CNTLN: variants seen among roughly 807,000 people sequenced by gnomAD.
The protein encoded by CNTLN is centlein, centrosomal protein.
Under a neutral mutation model 180.0 loss-of-function variants are expected in CNTLN, and 212 were observed. The observed-to-expected ratio is 1.18, with a 90% CI of 1.05 to 1.32. CNTLN has a LOEUF of 1.32. Ranked by LOEUF, CNTLN falls within the 40% of genes most tolerant of loss-of-function variation. The pLI is 0.00. For synonymous variants in CNTLN, 722 were observed against 563.1 expected (o/e 1.28, Z -3.99); for missense variants, 2,095 against 1,610.9 (o/e 1.30, Z -5.14).
intron 13 of CNTLN, among the ~76,000 whole-genome samples, chr9:17,371,693 G>A (rs1713768127): frequency 6.6e-6 from 1 of 152,008 alleles, no homozygotes; most frequent in Non-Finnish European, 1.5e-5. Context: ...GATCATTCTC[G>A]AGGACAGACT....
At chr9:17,448,338 C>T (rs1830570274) in intron 18 of CNTLN, 1 of 152,244 alleles carries the variant, frequency 6.6e-6, no homozygotes, top group African/African-American at 2.4e-5. Flanking sequence ...AAAACATCTC[C>T]AGTTTTACAA....
intron 8 of CNTLN, among the ~76,000 whole-genome samples, chr9:17,320,285 C>A (rs1215172111): frequency 6.6e-6 from 1 of 152,066 alleles, no homozygotes; most frequent in African/African-American, 2.4e-5. Flanking sequence ...ATTTTTATTA[C>A]AAAATATTTG....
intron 6 of CNTLN, among the ~76,000 whole-genome samples, chr9:17,276,624 G>T (rs1160194013): frequency 1.3e-5 from 2 of 151,894 alleles, no homozygotes; most frequent in African/African-American, 2.4e-5. Flanking sequence ...GTATAAATAA[G>T]TATATACAGT....
intron 12 of CNTLN, among the ~76,000 whole-genome samples, chr9:17,361,003 A>G (rs1367064974): frequency 2.0e-5 from 3 of 152,070 alleles, no homozygotes; most frequent in Admixed American, 6.6e-5. Context: ...TTTTCCATCA[A>G]TTACTGGGAG....
At chr9:17,289,661 T>G (rs1484979144) in intron 6 of CNTLN, among the ~76,000 whole-genome samples, 1 of 130,054 alleles carries the variant, frequency 7.7e-6, no homozygotes, top group Admixed American at 7.7e-5. Flanking sequence ...AGACGTAGAT[T>G]TGGTCTTTTC....
chr9:17,505,366 G>C (rs1833914254), downstream of CNTLN, among the ~76,000 whole-genome samples: 1 of 151,766 alleles, frequency 6.6e-6, no homozygotes, highest in South Asian at 2.1e-4. Context: ...ATCCAGATTG[G>C]AAAGGAAAAA....
the CNTLN span, among the ~76,000 whole-genome samples, chr9:17,521,677 A>G: frequency 6.6e-6 from 1 of 152,178 alleles, no homozygotes; most frequent in Non-Finnish European, 1.5e-5. Context: ...GCAATTCACA[A>G]CTTTGCAGGT....
At chr9:17,348,143 T>C (rs1349943314) in intron 12 of CNTLN, among the ~76,000 whole-genome samples, 1 of 152,166 alleles carries the variant, frequency 6.6e-6, no homozygotes, top group Non-Finnish European at 1.5e-5. Flanking sequence ...ACCCATTTTA[T>C]GATAACGCAC....
chr9:17,292,087 G>T (rs867335168), intron 6 of CNTLN, among the ~76,000 whole-genome samples: 1 of 152,152 alleles, frequency 6.6e-6, no homozygotes, highest in Non-Finnish European at 1.5e-5. Flanking sequence ...TGAAATTCAG[G>T]ATTGGAAATC....
chr9:17,215,492 G>A (rs994973130), intron 2 of CNTLN, among the ~76,000 whole-genome samples: 4 of 152,290 alleles, frequency 2.6e-5, no homozygotes, highest in East Asian at 3.9e-4. Context: ...TAGGCTACTC[G>A]GGGGTCAGGG....
At chr9:17,421,493 A>T (rs1170172456) in intron 18 of CNTLN, among the ~76,000 whole-genome samples, 1 of 151,968 alleles carries the variant, frequency 6.6e-6, no homozygotes, top group East Asian at 1.9e-4. Flanking sequence ...TAGGTAGTGT[A>T]TCATTGGGTC....
chr9:17,478,522 G>GT (rs1661320189), intron 23 of CNTLN, among the ~76,000 whole-genome samples: 1 of 150,978 alleles, frequency 6.6e-6, no homozygotes, highest in African/African-American at 2.4e-5. Context: ...TCTTGTAGGA[G>GT]TTTTTTCTTT....
rs1324176531 is a variant in CNTLN at position 17,425,067 on chromosome 9, G to A, written c.3114+8878G>A. ...TCCTGAAATAATATCTATATTTAGC[G>A]AAAACAGAGTAACCTTTATCATTCA... On this transcript the variant is annotated intron_variant, in intron 18 of 25. Coordinates refer to ENST00000380647, the MANE Select transcript of CNTLN (RefSeq NM_017738.4). Among the ~76,000 whole-genome samples the A allele has an allele frequency of 3.3e-5, 5 of 152,114 alleles. No individual in the cohort carries two copies. In the East Asian group the frequency reaches 7.7e-4, roughly 23 times the overall value.
intron 6 of CNTLN, among the ~76,000 whole-genome samples, chr9:17,290,161 T>C (rs1219569728): frequency 6.6e-6 from 1 of 152,096 alleles, no homozygotes; most frequent in African/African-American, 2.4e-5. Context: ...TGGTCTTTGA[T>C]GATGGTGATG....
At chr9:17,345,123 C>T (rs1044988111) in intron 12 of CNTLN, among the ~76,000 whole-genome samples, 1 of 152,084 alleles carries the variant, frequency 6.6e-6, no homozygotes, top group African/African-American at 2.4e-5. Context: ...TATTGAAGAA[C>T]ATTTGGGTTT....
chr9:17,399,389 A>G (rs1470818151), intron 15 of CNTLN, among the ~76,000 whole-genome samples: 1 of 152,132 alleles, frequency 6.6e-6, no homozygotes, highest in African/African-American at 2.4e-5. Context: ...GCCTGGTCAC[A>G]TTTCTCAAAC....
At chr9:17,314,013 C>T (rs573792149) in intron 8 of CNTLN, among the ~76,000 whole-genome samples, 58 of 152,196 alleles carry the variant, frequency 3.8e-4, no homozygotes, top group South Asian at 1.0e-3. Context: ...GGATTACAGG[C>T]GTGAGCCACT....
chr9:17,514,965 A>G, the CNTLN span, among the ~76,000 whole-genome samples: 1 of 152,218 alleles, frequency 6.6e-6, no homozygotes, highest in Non-Finnish European at 1.5e-5. Flanking sequence ...ACTAGAAGGA[A>G]CCTGGGTCCT....
At chr9:17,182,858 G>A (rs950545135) in intron 2 of CNTLN, among the ~76,000 whole-genome samples, 2 of 152,178 alleles carry the variant, frequency 1.3e-5, no homozygotes, top group Non-Finnish European at 2.9e-5. Context: ...TTGCCATGAA[G>A]CTGTATTCAG....
Sources: allele counts gnomAD v4.1 joint callset (sites outside exome capture counted in the v4.1 genomes callset), GRCh38; gene constraint gnomAD v4.1.1; transcripts MANE v1.5; gene names NCBI Gene and HGNC (gene_info 2026-07-23, HGNC 2026-07-21).